Variants in HTT observed in about 807,000 individuals in gnomAD.
HTT encodes huntingtin.
In HTT, 104 loss-of-function variants were observed where a neutral mutation model predicts 362.3. That is an observed-to-expected ratio of 0.29 (90% CI 0.24 to 0.34). The LOEUF (loss-of-function observed/expected upper bound fraction) is 0.34, where lower values mean the gene tolerates loss of function less well. Ranked by LOEUF, HTT falls within the 10% of genes least tolerant of loss-of-function variation. HTT has a pLI of 1.00. For synonymous variants in HTT, 1,577 were observed against 1,548.7 expected (o/e 1.02, Z -0.43); for missense variants, 3,301 against 3,928.6 (o/e 0.84, Z 4.27).
At chr4:3,207,510 T>G (rs1719924209) in intron 45 of HTT, among the ~76,000 whole-genome samples, 153 bp downstream of exon 45, 1 of 152,228 alleles carries the variant, frequency 6.6e-6, no homozygotes. Context: ...TTCCTACTTT[T>G]AAAACAACCA....
At chr4:3,083,315 G>A (rs1560539381) in intron 1 of HTT, among the ~76,000 whole-genome samples, 1 of 152,052 alleles carries the variant, frequency 6.6e-6, no homozygotes, top group South Asian at 2.1e-4. Flanking sequence ...GAGGCCAGAC[G>A]ACCAGCATAG....
In HTT at chr4:3,194,011, C is replaced by T. The variant is rs1719136050; in HGVS notation, c.5368+4918C>T. Among the ~76,000 whole-genome samples, 4 of 152,160 alleles carry T rather than the reference C, an allele frequency of 2.6e-5. No homozygotes were observed. In the South Asian group the frequency reaches 8.3e-4, roughly 31 times the overall value. The stretch of plus-strand genomic sequence containing the variant: ...CATTTATTTGAAAGACACTAGGTGG[C>T]AGAATTACTGTATTTGATTGGTTTC... On this transcript the variant is annotated intron_variant, in intron 40 of 66. Transcript: ENST00000355072.
In HTT at chr4:3,131,282, C is replaced by G. The variant is rs374371301; in HGVS notation, c.1987-4C>G. The G allele has an allele frequency of 5.6e-6, 9 of 1,602,148 alleles. No homozygotes were observed. In the African/African-American group the frequency reaches 6.7e-5, roughly 12 times the overall value. On this transcript the variant is annotated splice_region_variant and splice_polypyrimidine_tract_variant and intron_variant, in intron 14 of 66. Transcript: ENST00000355072. ...ACAAACAAGTGTCATTGTCTCCTTT[C>G]TAGCCTTGCCGCATCAAAGGTGACA...
chr4:3,107,904 G>A (rs992022494), intron 6 of HTT, among the ~76,000 whole-genome samples: 1 of 152,192 alleles, frequency 6.6e-6, no homozygotes, highest in African/African-American at 2.4e-5. Context: ...CCTGTCACAT[G>A]CTCTACAGAT....
At position 3,238,908 on chromosome 4, in the gene HTT, G is replaced by A. The variant is rs530536695; in HGVS notation, c.9145G>A (p.Val3049Ile). Residue 3049 changes from valine to isoleucine, a missense_variant, in exon 66 of 67, where the codon GTC (valine) becomes ATC (isoleucine). Around this residue, in one of 4 missense-constraint regions of HTT, gnomAD observed 753 missense variants for 1,021.3 expected, o/e 0.74. Coordinates refer to ENST00000355072, the MANE Select transcript of HTT (RefSeq NM_001388492.1). Reference sequence around the variant, plus strand: ...CTCCAACTTCACGCAGAGGGCCCCGGTCGCCATGGCCACGTGGAGCCTCTC... The same window carrying A: ...CTCCAACTTCACGCAGAGGGCCCCGATCGCCATGGCCACGTGGAGCCTCTC... ...SLSNFTQRAP[V>I]AMATWSLSCF... 6.2e-7 allele frequency: 1 copy of A among 1,611,588 alleles called. No homozygotes were observed. The highest frequency in any genetic ancestry group is 1.1e-5 in the South Asian group (1 of 90,618).
At chr4:3,237,516 A>G (rs1034341639) in intron 64 of HTT, among the ~76,000 whole-genome samples, 4 of 151,988 alleles carry the variant, frequency 2.6e-5, no homozygotes, top group South Asian at 2.1e-4. Context: ...AGTGGGCCCA[A>G]TGCTAGGTGG....
intron 34 of HTT, 102 bp downstream of exon 34, chr4:3,177,489 C>A: frequency 1.3e-6 from 1 of 763,122 alleles, no homozygotes; most frequent in Non-Finnish European, 2.1e-6. Flanking sequence ...GGCATTTTTG[C>A]TGTTTTCTTT....
chr4:3,144,004 G>C (rs1716479175), intron 23 of HTT, among the ~76,000 whole-genome samples: 2 of 152,186 alleles, frequency 1.3e-5, no homozygotes, highest in South Asian at 4.1e-4. Flanking sequence ...CTAGTATATA[G>C]TGTGATGCTT....
chr4:3,237,266 G>T (rs1721582559), intron 64 of HTT, among the ~76,000 whole-genome samples: 1 of 152,128 alleles, frequency 6.6e-6, no homozygotes, highest in Admixed American at 6.5e-5. Context: ...TAGAGACGGG[G>T]TTTCACCGTG....
chr4:3,112,143 T>C (rs901409323), intron 6 of HTT, among the ~76,000 whole-genome samples: 1 of 152,252 alleles, frequency 6.6e-6, no homozygotes, highest in Admixed American at 6.5e-5. Flanking sequence ...ACATGATTTT[T>C]GTGGGGTTTC....
intron 54 of HTT, 100 bp from the exon 55 acceptor site, chr4:3,223,306 C>T: frequency 3.3e-6 from 4 of 1,201,102 alleles, no homozygotes; most frequent in Non-Finnish European, 4.6e-6. Flanking sequence ...ACTTAAGGCT[C>T]CTCTTCCTCC....
At chr4:3,129,902 C>T in intron 12 of HTT, 22 bp from the exon 13 acceptor site, 1 of 1,613,866 alleles carries the variant, frequency 6.2e-7, no homozygotes. Context: ...AAAATTCTCA[C>T]AGCCCCCCTT....
intron 2 of HTT, among the ~76,000 whole-genome samples, chr4:3,094,223 C>G (rs562904472): frequency 6.6e-6 from 1 of 151,914 alleles, no homozygotes; most frequent in African/African-American, 2.4e-5. Context: ...TCAGAGAGCA[C>G]GGGGTTGGGG....
chr4:3,232,817 C>A (rs73074839), intron 60 of HTT, among the ~76,000 whole-genome samples: 1 of 152,204 alleles, frequency 6.6e-6, no homozygotes, highest in Non-Finnish European at 1.5e-5. Context: ...ACACTAGAGA[C>A]TCGGTGCCAG....
At chr4:3,099,012 A>T (rs1714008064) in intron 2 of HTT, among the ~76,000 whole-genome samples, 1 of 152,236 alleles carries the variant, frequency 6.6e-6, no homozygotes, top group African/African-American at 2.4e-5. Flanking sequence ...AAAATTAGAT[A>T]GGGTAGGAAG....
rs1719841735 is a variant in HTT at position 3,206,118 on chromosome 4, G to C, written c.5719-378G>C. On this transcript the variant is annotated intron_variant, in intron 42 of 66. Coordinates refer to ENST00000355072, the MANE Select transcript of HTT (RefSeq NM_001388492.1). The surrounding 1 kb of genome is among the most constrained non-coding windows in gnomAD (Gnocchi z 4.6). Reference sequence around the variant, plus strand: ...CTTAGCCGGCCCGAAGCCCGGGAGAGGGCAGGCAGTGCTGTGGATGGGGTC... The same window carrying C: ...CTTAGCCGGCCCGAAGCCCGGGAGACGGCAGGCAGTGCTGTGGATGGGGTC... Among the ~76,000 whole-genome samples the C allele has an allele frequency of 6.6e-6, 1 of 152,244 alleles. No individual in the cohort carries two copies. The highest frequency in any genetic ancestry group is 1.5e-5 in the Non-Finnish European group (1 of 68,038).
chr4:3,201,802 CTT>C (rs1255177031), intron 41 of HTT, among the ~76,000 whole-genome samples: 1 of 152,086 alleles, frequency 6.6e-6, no homozygotes, highest in East Asian at 1.9e-4. Context: ...GGATGAGTAT[CTT>C]TTTATTTCCA....
At chr4:3,161,795 TA>T (rs1717462237) in intron 29 of HTT, among the ~76,000 whole-genome samples, 1 of 152,230 alleles carries the variant, frequency 6.6e-6, no homozygotes, top group African/African-American at 2.4e-5. Context: ...TAAATTTGTT[TA>T]AGTTCTTTGT....
chr4:3,076,225 C>T (rs1712541764), intron 1 of HTT, among the ~76,000 whole-genome samples: 1 of 152,158 alleles, frequency 6.6e-6, no homozygotes, highest in African/African-American at 2.4e-5. Context: ...AACCCCAGGA[C>T]TTTCCCTGGA....
Sources: allele counts gnomAD v4.1 joint callset (sites outside exome capture counted in the v4.1 genomes callset), GRCh38; gene constraint gnomAD v4.1.1; regional missense constraint gnomAD v4.1.1; non-coding constraint Gnocchi (gnomAD v3.1); transcripts MANE v1.5; gene names NCBI Gene and HGNC (gene_info 2026-07-23, HGNC 2026-07-21).